Variants in LPIN3 observed in about 807,000 individuals in gnomAD.
The protein encoded by LPIN3 is lipin 3.
In LPIN3, 82 loss-of-function variants were observed where a neutral mutation model predicts 94.7. The observed-to-expected ratio is 0.87, with a 90% CI of 0.72 to 1.04. The LOEUF is 1.04. Ranked by LOEUF, LPIN3 falls within the 50% of genes least tolerant of loss-of-function variation. LPIN3 has a pLI of 0.00. For missense variants in LPIN3, 996 were observed against 1,090.5 expected (o/e 0.91, Z 1.22); for synonymous variants, 418 against 443.3 (o/e 0.94, Z 0.72).
At position 41,347,591 on chromosome 20, in the gene LPIN3, A is replaced by T; in HGVS notation, c.232A>T (p.Met78Leu). ...ELNGEPVDLH[M>L]KLGDSGEAFF... Reference sequence around the variant, plus strand: ...CAATGGGGAGCCTGTGGACTTGCACATGAAGCTTGGGGACAGCGGGGAGGC... The same window carrying T: ...CAATGGGGAGCCTGTGGACTTGCACTTGAAGCTTGGGGACAGCGGGGAGGC... Residue 78 changes from methionine to leucine, a missense_variant, in exon 3 of 20, where the codon ATG (methionine) becomes TTG (leucine). Coordinates refer to ENST00000373257, the MANE Select transcript of LPIN3 (RefSeq NM_022896.3). The T allele has an allele frequency of 2.5e-6, 4 of 1,614,196 alleles. No individual in the cohort carries two copies. In the East Asian group the frequency reaches 6.7e-5, roughly 27 times the overall value.
Position 41,350,266 on chromosome 20 carries a change from C to T in LPIN3, c.971C>T (p.Pro324Leu), listed in dbSNP as rs2045960359. The T allele has an allele frequency of 1.2e-6, 2 of 1,613,828 alleles. No homozygotes were observed. The highest frequency in any genetic ancestry group is 1.7e-6 in the Non-Finnish European group (2 of 1,179,950). ...CTAGTGGGTCCCCCTCTCCACACCC[C>T]AGAGACAGAGGAAAGCAAGACTCAG... ...PTLVGPPLHT[P>L]ETEESKTQSS... Residue 324 changes from proline to leucine, a missense_variant, in exon 7 of 20, where the codon CCA becomes CTA. Coordinates refer to ENST00000373257, the MANE Select transcript of LPIN3 (RefSeq NM_022896.3).
intron 11 of LPIN3, among the ~76,000 whole-genome samples, chr20:41,353,472 G>A (rs905652291): frequency 3.9e-5 from 6 of 152,226 alleles, no homozygotes; most frequent in Admixed American, 6.5e-5. Flanking sequence ...TGCAGTGCTT[G>A]CAGAGCCTAT....
Position 41,354,687 on chromosome 20 carries a change from G to T in LPIN3, c.1570G>T (p.Gly524Cys). Residue 524 changes from glycine (G) to cysteine (C), a missense_variant, in exon 12 of 20, where the codon GGT (glycine) becomes TGT (cysteine). Coordinates refer to ENST00000373257, the MANE Select transcript of LPIN3 (RefSeq NM_022896.3). ...KLEREKMPRKGGRWWFSWRRR... is the reference protein window; with the variant it reads ...KLEREKMPRKCGRWWFSWRRR... ...GGAGAGGGAGAAGATGCCCCGGAAG[G>T]GTGGGCGATGGTGGTTTTCCTGGCG... 6.2e-7 allele frequency: 1 copy of T among 1,605,004 alleles called. No homozygotes were observed. Among genetic ancestry groups the T allele is most frequent in the Non-Finnish European group, 8.5e-7 (1 of 1,174,742 alleles).
chr20:41,352,824 C>T lies in LPIN3; in HGVS notation c.1484C>T (p.Pro495Leu), dbSNP rs756697672. 5.6e-6 allele frequency: 9 copies of T among 1,614,084 alleles called. No individual in the cohort carries two copies. The highest frequency in any genetic ancestry group is 5.9e-6 in the Non-Finnish European group (7 of 1,180,046). ...GKHYNWAVAA[P>L]MILSLQAFQK... ...CATTATAACTGGGCTGTGGCTGCCC[C>T]CATGATCCTCTCCCTGCAAGCCTTC... is the stretch of plus-strand genomic sequence containing the variant. The change falls in exon 11 of 20, where the codon CCC (proline) becomes CTC (leucine). Residue 495 changes from proline to leucine, a missense_variant. Transcript: ENST00000373257.
rs377188716 is a variant in LPIN3, at chr20:41,345,833, G to A, written c.30G>A (p.Thr10=). 27 of 1,613,558 alleles carry A rather than the reference G, an allele frequency of 1.7e-5. No homozygotes were observed. Among genetic ancestry groups the A allele is most frequent in the African/African-American group, 4.0e-5 (3 of 74,934 alleles). The change falls in exon 2 of 20, where the codon ACG becomes ACA. Residue 10 remains threonine, a synonymous_variant. Transcript: ENST00000373257. MNYVGQLAE[T]VFGTVKELYR... ...ACTACGTGGGGCAGCTGGCGGAGAC[G>A]GTGTTTGGGACGGTGAAGGAGCTGT...
intron 9 of LPIN3, 127 bp downstream of exon 9, chr20:41,352,347 C>A: frequency 8.9e-7 from 1 of 1,119,230 alleles, no homozygotes; most frequent in Admixed American, 2.2e-5. Context: ...GCTCTCTGCC[C>A]TGTGCAGTCC....
intron 17 of LPIN3, 26 bp from the exon 18 acceptor site, chr20:41,358,211 C>A: frequency 6.2e-7 from 1 of 1,610,356 alleles, no homozygotes; most frequent in Non-Finnish European, 8.5e-7. Flanking sequence ...TGGCCCCCTT[C>A]CCTGCTGTGG....
intron 3 of LPIN3, among the ~76,000 whole-genome samples, chr20:41,348,073 G>C: frequency 6.6e-6 from 1 of 152,126 alleles, no homozygotes; most frequent in East Asian, 1.9e-4. Flanking sequence ...GTTCGCACAG[G>C]GGAGGCAGGG....
intron 18 of LPIN3, 43 bp downstream of exon 18, chr20:41,358,394 C>G (rs1254847297): frequency 6.2e-7 from 1 of 1,613,058 alleles, no homozygotes; most frequent in African/African-American, 1.3e-5. Context: ...CTCTCCCCAG[C>G]TGCCTGCAGG....
At chr20:41,355,502 C>CT (rs1273210795) in intron 13 of LPIN3, among the ~76,000 whole-genome samples, 2 of 152,206 alleles carry the variant, frequency 1.3e-5, no homozygotes, top group Non-Finnish European at 2.9e-5. Flanking sequence ...AGCCAGCTGA[C>CT]TTTGTTTCTT....
Position 41,357,174 on chromosome 20 carries a change from C to T in LPIN3, c.1938C>T (p.Asp646=), listed in dbSNP as rs752363764. The T allele has an allele frequency of 1.3e-5, 21 of 1,613,922 alleles. No homozygotes were observed. The highest frequency in any genetic ancestry group is 6.7e-5 in the African/African-American group (5 of 74,936). The change falls in exon 15 of 20, where the codon GAC becomes GAT. Residue 646 remains aspartate (D), a synonymous_variant. Transcript: ENST00000373257. ...WDDKVVISDI[D]GTITKSDALG... is the part of the protein sequence containing the mutation. ...ACAAGGTGGTCATCTCTGACATCGA[C>T]GGCACCATCACCAAGTGAGGCCCAC... is the stretch of plus-strand genomic sequence containing the variant.
rs1053093216 is a variant in LPIN3 at position 41,358,391 on chromosome 20, C to T, written c.2307+40C>T. ...TCCACTCTGCTGAGCCACCTCTCCC[C>T]AGCTGCCTGCAGGCCTCCATTCCAT... On this transcript the variant is annotated intron_variant, in intron 18 of 19. Coordinates refer to ENST00000373257, the MANE Select transcript of LPIN3 (RefSeq NM_022896.3). 10 of 1,613,142 alleles carry T rather than the reference C, an allele frequency of 6.2e-6. No individual in the cohort carries two copies. In the African/African-American group the frequency reaches 1.2e-4, roughly 19 times the overall value.
At chr20:41,354,145 A>G (rs1199755162) in intron 11 of LPIN3, among the ~76,000 whole-genome samples, 1 of 152,216 alleles carries the variant, frequency 6.6e-6, no homozygotes, top group Non-Finnish European at 1.5e-5. Flanking sequence ...CACAAGGTCA[A>G]CTTGCCCCCA....
intron 13 of LPIN3, 138 bp from the exon 14 acceptor site, chr20:41,355,758 G>A: frequency 9.2e-7 from 1 of 1,087,120 alleles, no homozygotes; most frequent in Non-Finnish European, 1.3e-6. Flanking sequence ...CAAATGGGTT[G>A]CACCTAGAGG....
chr20:41,353,001 C>G, intron 11 of LPIN3, 134 bp downstream of exon 11: 1 of 980,642 alleles, frequency 1.0e-6, no homozygotes, highest in African/African-American at 1.6e-5. Context: ...GCAAGACTCA[C>G]TCTGGGAGAG....
At chr20:41,357,470 G>A (rs781503658) in intron 16 of LPIN3, 23 bp downstream of exon 16, 14 of 1,565,992 alleles carry the variant, frequency 8.9e-6, no homozygotes, top group African/African-American at 1.3e-5. Context: ...GCTGGGGCTG[G>A]GGCTGAGGCG....
At chr20:41,355,320 T>C (rs2046172622) in intron 13 of LPIN3, among the ~76,000 whole-genome samples, 2 of 152,156 alleles carry the variant, frequency 1.3e-5, no homozygotes, top group African/African-American at 4.8e-5. Context: ...CTTCTATACC[T>C]TTTCTTTCTC....
chr20:41,347,458 G>T (rs1737224611), intron 2 of LPIN3, 94 bp from the exon 3 acceptor site: 3 of 1,165,112 alleles, frequency 2.6e-6, no homozygotes, highest in Admixed American at 1.8e-5. Context: ...GGTGTTTGGG[G>T]CGGCAAGGAG....
intron 1 of LPIN3, 34 bp from the exon 2 acceptor site, chr20:41,345,762 G>C: frequency 6.3e-7 from 1 of 1,580,022 alleles, no homozygotes; most frequent in Non-Finnish European, 8.6e-7. Flanking sequence ...AGCTGGAGCA[G>C]ACCTTTGTGC....
Sources: gnomAD v4.1 joint callset for allele counts (sites outside exome capture counted in the v4.1 genomes callset) on GRCh38, gnomAD v4.1.1 for gene constraint, MANE v1.5 for transcripts, NCBI Gene and HGNC (gene_info 2026-07-23, HGNC 2026-07-21) for gene names.